The following ASL variants were observed in gnomAD, a reference collection of about 807,000 sequenced individuals.
ASL encodes the protein argininosuccinate lyase.
A neutral mutation model predicts 69.1 loss-of-function variants in ASL; 51 were observed. The ratio of observed to expected loss-of-function variants is 0.74; its 90% CI spans 0.59 to 0.93. The LOEUF (loss-of-function observed/expected upper bound fraction) is 0.93. Ranked by LOEUF, ASL falls within the 40% of genes least tolerant of loss-of-function variation. The pLI is 0.00. For synonymous variants in ASL, 241 were observed against 247.6 expected (o/e 0.97, Z 0.25); for missense variants, 540 against 623.9 (o/e 0.87, Z 1.43).
intron 9 of ASL, 128 bp downstream of exon 9, chr7:66,087,514 G>A (rs1048752132): frequency 5.8e-6 from 7 of 1,201,546 alleles, no homozygotes; most frequent in Non-Finnish European, 7.2e-6. Flanking sequence ...TTGCCTATGG[G>A]CACTGAGGTC....
intron 6 of ASL, 52 bp downstream of exon 6, chr7:66,083,226 G>T: frequency 6.3e-7 from 1 of 1,590,940 alleles, no homozygotes; most frequent in South Asian, 1.1e-5. Flanking sequence ...ATGGAAGCCT[G>T]AACAGGAGAC....
At chr7:66,089,585 C>T (rs1319754003) in intron 13 of ASL, 27 bp from the exon 14 acceptor site, 1 of 1,612,324 alleles carries the variant, frequency 6.2e-7, no homozygotes, top group Non-Finnish European at 8.5e-7. Context: ...GCTGCTAGGC[C>T]CTCACCTCCT....
intron 14 of ASL, 136 bp from the exon 15 acceptor site, chr7:66,091,870 G>A: frequency 1.2e-6 from 1 of 823,802 alleles, no homozygotes; most frequent in South Asian, 1.3e-5. Flanking sequence ...TTCAAGTTGA[G>A]AGTGAGACAG....
intron 14 of ASL, 165 bp from the exon 15 acceptor site, chr7:66,091,841 G>A (rs920140140): frequency 3.9e-5 from 28 of 719,222 alleles, no homozygotes; most frequent in Middle Eastern, 3.0e-4. Flanking sequence ...AAATATTATC[G>A]ATAATTATGA....
At chr7:66,082,570 C>T (rs1167559318) in intron 4 of ASL, 119 bp downstream of exon 4, 1 of 1,211,868 alleles carries the variant, frequency 8.3e-7, no homozygotes, top group Non-Finnish European at 1.2e-6. Context: ...TGTGAGACCT[C>T]AGGACATGAG....
intron 3 of ASL, 133 bp downstream of exon 3, chr7:66,082,130 G>A: frequency 8.4e-7 from 1 of 1,186,562 alleles, no homozygotes; most frequent in Non-Finnish European, 1.2e-6. Context: ...CTCAAGTGCT[G>A]TTTAACTGTG....
At chr7:66,078,091 G>A in intron 2 of ASL, among the ~76,000 whole-genome samples, 1 of 152,228 alleles carries the variant, frequency 6.6e-6, no homozygotes, top group Non-Finnish European at 1.5e-5. Flanking sequence ...GGCACTAATT[G>A]GTTTGGCTGC....
chr7:66,088,456 G>C (rs1459962737), intron 10 of ASL, among the ~76,000 whole-genome samples: 1 of 152,182 alleles, frequency 6.6e-6, no homozygotes, highest in Non-Finnish European at 1.5e-5. Flanking sequence ...ACTCCAGCCT[G>C]TGCATTGGGA....
chr7:66,087,616 C>T (rs1344060991), intron 9 of ASL, 113 bp from the exon 10 acceptor site: 3 of 1,101,506 alleles, frequency 2.7e-6, no homozygotes, highest in Non-Finnish European at 4.1e-6. Flanking sequence ...AAAGATCCCT[C>T]CCCCCAGCTG....
At position 66,090,137 on chromosome 7, in the gene ASL, C is replaced by T. The variant is rs1211571679; in HGVS notation, c.1062+442C>T. Among the ~76,000 whole-genome samples, 4 of 152,122 alleles carry T rather than the reference C, an allele frequency of 2.6e-5. No individual in the cohort carries two copies. The East Asian group carries it at 5.8e-4, about 22-fold the overall frequency. The stretch of plus-strand genomic sequence containing the variant: ...CCTGTAATCCCAGCTACTCAGGAGG[C>T]GGAGGCAGAAGAATAGCTTGAACCC... On this transcript the variant is annotated intron_variant, in intron 14 of 16. Coordinates refer to ENST00000304874, the MANE Select transcript of ASL (RefSeq NM_000048.4).
intron 2 of ASL, among the ~76,000 whole-genome samples, chr7:66,077,599 G>A (rs1436537513): frequency 6.6e-6 from 1 of 151,692 alleles, no homozygotes; most frequent in African/African-American, 2.4e-5. Flanking sequence ...TGTAGTGGTG[G>A]GTGCCTGTAG....
intron 6 of ASL, among the ~76,000 whole-genome samples, chr7:66,085,638 C>T (rs1404371523): frequency 2.7e-5 from 4 of 150,648 alleles, no homozygotes; most frequent in Admixed American, 6.6e-5. Context: ...GACGGAGTCT[C>T]GCTCTGTCGC....
Position 66,092,769 on chromosome 7 carries a change from C to A in ASL, c.1252C>A (p.Pro418Thr), listed in dbSNP as rs1394618600. 1 of 1,613,760 alleles carries A rather than the reference C, an allele frequency of 6.2e-7. No individual in the cohort carries two copies. The highest frequency in any genetic ancestry group is 1.3e-5 in the African/African-American group (1 of 74,908). Residue 418 changes from proline to threonine, a missense_variant and splice_region_variant, in exon 17 of 17, where the codon CCC (proline) becomes ACC (threonine). Physicochemically the swap from Pro to Thr is conservative, Grantham distance 38 (BLOSUM62 -1). Transcript: ENST00000304874. ...GCCCACCTCTTCCTCTCTCCCCAGC[C>A]CCCTGTTCTCGGGCGACGTGATCTG... ...LSLQELQTISPLFSGDVICVW... is the reference protein window; with the variant it reads ...LSLQELQTISTLFSGDVICVW...
At chr7:66,082,124 A>C (rs879038513) in intron 3 of ASL, 127 bp downstream of exon 3, 2 of 1,239,664 alleles carry the variant, frequency 1.6e-6, no homozygotes, top group Admixed American at 4.0e-5. Context: ...TATATACTCA[A>C]GTGCTGTTTA....
Position 66,076,069 on chromosome 7 carries a change from G to A in ASL, c.-13G>A. ...GAGGACCGAAGCTTCCGGACGACGA[G>A]GAACCGCCCAACATGGCCTCGGAGG... On this transcript the variant is annotated 5_prime_UTR_variant, in exon 2 of 17. Coordinates refer to ENST00000304874, the MANE Select transcript of ASL (RefSeq NM_000048.4). 1.3e-6 allele frequency: 2 copies of A among 1,599,884 alleles called. No homozygotes were observed. Among genetic ancestry groups the A allele is most frequent in the South Asian group, 2.3e-5 (2 of 88,400 alleles).
In ASL at chr7:66,089,790, T is replaced by C. The variant is rs376100985; in HGVS notation, c.1062+95T>C. On this transcript the variant is annotated intron_variant, in intron 14 of 16. Transcript: ENST00000304874. The stretch of plus-strand genomic sequence containing the variant: ...GCCTTGGGAGGAGGTGAGGTGGGGC[T>C]GGAGGACCTGGGGCAGGGAAGGAGA... 160 of 1,349,136 alleles carry C rather than the reference T, an allele frequency of 1.2e-4. 1 individual carries two copies. The East Asian group carries it at 2.6e-3, about 22-fold the overall frequency. The allele number at this position is 1,349,136 out of a possible 1,614,324, so 83.6% of individuals were successfully genotyped here. A position where few individuals can be genotyped will look rare whatever the true frequency, so the allele number is the denominator to read the frequency against.
chr7:66,088,709 A>G (rs1169356674), intron 10 of ASL, 98 bp from the exon 11 acceptor site: 25 of 1,012,156 alleles, frequency 2.5e-5, no homozygotes, highest in Middle Eastern at 2.5e-4. Context: ...ATGAAAATTT[A>G]GCCGGGTCCC....
In ASL at chr7:66,089,675, GGCGTCATCTCTAC is replaced by G. The variant is rs796051933; in HGVS notation, c.1045_1057del (p.Val349CysfsTer72). On this transcript the variant is annotated frameshift_variant, in exon 14 of 17. Coordinates refer to ENST00000304874, the MANE Select transcript of ASL (RefSeq NM_000048.4). LOFTEE classifies it high-confidence loss of function. ...GAGTGCCGTGCTCCAGGTGGCCACT[GGCGTCATCTCTAC>G]GCTGCAGGCAAGACATCACCCCCCT... The G allele has an allele frequency of 8.2e-5, 133 of 1,613,750 alleles. No individual in the cohort carries two copies. Among genetic ancestry groups the G allele is most frequent in the Non-Finnish European group, 1.1e-4 (128 of 1,180,034 alleles).
chr7:66,079,711 C>T (rs1377382847), intron 2 of ASL, among the ~76,000 whole-genome samples: 1 of 152,092 alleles, frequency 6.6e-6, no homozygotes, highest in Non-Finnish European at 1.5e-5. Context: ...CCTCCGCCTC[C>T]CGGGTTCAAG....
Sources: gnomAD v4.1 joint callset for allele counts (sites outside exome capture counted in the v4.1 genomes callset) on GRCh38, gnomAD v4.1.1 for gene constraint, MANE v1.5 for transcripts, NCBI Gene and HGNC (gene_info 2026-07-23, HGNC 2026-07-21) for gene names.